MYH10: variants seen among roughly 807,000 people sequenced by gnomAD.
The protein encoded by MYH10 is myosin heavy chain 10, also known as myosin-10.
Under a neutral mutation model 257.8 loss-of-function variants are expected in MYH10, and 55 were observed. The observed-to-expected ratio is 0.21, with a 90% confidence interval of 0.17 to 0.27. The LOEUF (loss-of-function observed/expected upper bound fraction) is 0.27, where lower values mean the gene tolerates loss of function less well. MYH10 is among the 10% of genes least tolerant of loss of function. MYH10 has a pLI of 1.00. For synonymous variants in MYH10, 854 were observed against 921.7 expected, an observed-to-expected ratio of 0.93 and a Z score of 1.33; for missense variants, 1,631 against 2,500.6, an observed-to-expected ratio of 0.65 and a Z score of 7.42.
chr17:8,600,391 C>A (rs965402759), intron 3 of MYH10, among the ~76,000 whole-genome samples: 2 of 152,272 alleles, frequency 1.3e-5, no homozygotes, highest in East Asian at 3.9e-4. Context: ...ATTGGACTCT[C>A]TTCTCCTAAG....
chr17:8,561,049 A>G (rs751954934), intron 7 of MYH10: 10 of 577,286 alleles, frequency 1.7e-5, no homozygotes, highest in Non-Finnish European at 3.1e-5. Flanking sequence ...CTTGCTCACA[A>G]TATCCTGTAA....
intron 2 of MYH10, among the ~76,000 whole-genome samples, chr17:8,621,251 G>A (rs958299370): frequency 3.3e-5 from 5 of 151,992 alleles, no homozygotes; most frequent in Non-Finnish European, 7.4e-5. Flanking sequence ...CTTACATGTC[G>A]ACATTACAAT....
At chr17:8,540,329 T>TGC (rs2082259360) in intron 14 of MYH10, among the ~76,000 whole-genome samples, 4 of 152,156 alleles carry the variant, frequency 2.6e-5, no homozygotes, top group Non-Finnish European at 5.9e-5. Flanking sequence ...GAGTTGGTTA[T>TGC]TAGGGTTGAA....
chr17:8,487,768 T>C (rs1217131654), intron 35 of MYH10, among the ~76,000 whole-genome samples, 174 bp from the exon 36 acceptor site: 1 of 152,152 alleles, frequency 6.6e-6, no homozygotes, highest in Non-Finnish European at 1.5e-5. Flanking sequence ...AGTAGCTGAA[T>C]TTTGTTCAAA....
chr17:8,569,087 TA>T lies in MYH10; in HGVS notation c.756+632del, dbSNP rs2151999635. 6.6e-6 allele frequency among the ~76,000 whole-genome samples: 1 copy of T among 151,578 alleles called. No individual in the cohort carries two copies. The highest frequency in any genetic ancestry group is 2.1e-4 in the South Asian group (1 of 4,800). The stretch of plus-strand genomic sequence containing the variant: ...ACTCTTTTAAATTAGCCTGGTGAAG[TA>T]ACGTGAGCCTGTAGTCCCGGCTCCT... On this transcript the variant is annotated intron_variant, in intron 7 of 42. Transcript: ENST00000360416. The surrounding 1 kb of genome is among the most constrained non-coding windows in gnomAD (Gnocchi z 4.1).
intron 40 of MYH10, among the ~76,000 whole-genome samples, chr17:8,479,100 T>C (rs1392448798): frequency 1.3e-5 from 2 of 152,228 alleles, no homozygotes; most frequent in African/African-American, 4.8e-5. Flanking sequence ...ACATAGACTT[T>C]TGAAGACACC....
In MYH10 at chr17:8,542,314, G is replaced by T. The variant is rs114397921; in HGVS notation, c.1432-34C>A. The T allele has an allele frequency of 1.9e-6, 3 of 1,583,088 alleles. No individual in the cohort carries two copies. The African/African-American group carries it at 4.0e-5, about 21-fold the overall frequency. ...GTCAAAGGGTAATTTTCCAAACATG[G>T]GGAGGTGGAGGGAAAATGGGAATAA... On this transcript the variant is annotated intron_variant, in intron 13 of 42. Transcript: ENST00000360416.
Position 8,550,028 on chromosome 17 carries a change from C to T in MYH10, c.920-1241G>A, listed in dbSNP as rs557343493. On this transcript the variant is annotated intron_variant, in intron 9 of 42. Transcript: ENST00000360416. The stretch of plus-strand genomic sequence containing the variant: ...AGGCTGGAGTGCAGTGGCGTGATCT[C>T]GGCTCGCTACAACCTCCACCTCCCA... Among the ~76,000 whole-genome samples the T allele has an allele frequency of 7.3e-5, 11 of 150,658 alleles. No homozygotes were observed. The South Asian group carries it at 8.7e-4, about 12-fold the overall frequency.
chr17:8,507,749 A>G (rs1357230670), intron 26 of MYH10, among the ~76,000 whole-genome samples: 1 of 152,222 alleles, frequency 6.6e-6, no homozygotes, highest in African/African-American at 2.4e-5. Flanking sequence ...AGGTGGGTGG[A>G]TCACCTAAGG....
rs757904453 is a variant in MYH10 at position 8,512,702 on chromosome 17, G to A, written c.2746-45C>T. On this transcript the variant is annotated intron_variant, in intron 23 of 42. Coordinates refer to ENST00000360416, the MANE Select transcript of MYH10 (RefSeq NM_001256012.3). Reference sequence around the variant, plus strand: ...TCTGTGATTTGCCCCTATTACATACGTACACAGTATATATTCGCCGTGATT... The same window carrying A: ...TCTGTGATTTGCCCCTATTACATACATACACAGTATATATTCGCCGTGATT... 4.7e-6 allele frequency: 7 copies of A among 1,493,154 alleles called. No individual in the cohort carries two copies. The Admixed American group carries it at 5.5e-5, about 12-fold the overall frequency. The allele number at this position is 1,493,154 out of a possible 1,614,324, so 92.5% of individuals were successfully genotyped here.
At chr17:8,510,040 ATTTTTT>A (rs35193113) in intron 24 of MYH10, 91 bp from the exon 25 acceptor site, 26 of 910,910 alleles carry the variant, frequency 2.9e-5, no homozygotes, top group African/African-American at 7.4e-5. Flanking sequence ...TGAGATACTA[ATTTTTT>A]TTTTTTTTTT....
At chr17:8,508,712 A>G (rs1329274569) in intron 25 of MYH10, 35 bp from the exon 26 acceptor site, 1 of 1,611,492 alleles carries the variant, frequency 6.2e-7, no homozygotes, top group Non-Finnish European at 8.5e-7. Context: ...CAGAAAAGCC[A>G]TTCAGAATGA....
chr17:8,557,543 T>C (rs1408815890), intron 7 of MYH10, among the ~76,000 whole-genome samples: 1 of 152,200 alleles, frequency 6.6e-6, no homozygotes, highest in Non-Finnish European at 1.5e-5. Flanking sequence ...TTTCACGTTA[T>C]CTGACAGCAC....
intron 1 of MYH10, among the ~76,000 whole-genome samples, chr17:8,625,279 AT>A (rs1332288118): frequency 6.6e-6 from 1 of 152,146 alleles, no homozygotes; most frequent in Non-Finnish European, 1.5e-5. Context: ...ATTTAAAAAA[AT>A]AATTTACTAG....
At chr17:8,543,189 A>G (rs927535947) in intron 13 of MYH10, among the ~76,000 whole-genome samples, 55 of 152,218 alleles carry the variant, frequency 3.6e-4, no homozygotes, top group African/African-American at 1.3e-3. Context: ...GTGATTTTCA[A>G]TTAAAGAGGA....
rs777805800 is a variant in MYH10, at chr17:8,552,170, A to G, written c.821-26T>C. 2.4e-6 allele frequency: 3 copies of G among 1,240,954 alleles called. No individual in the cohort carries two copies. The South Asian group carries it at 5.5e-5, about 23-fold the overall frequency. 76.9% of individuals were successfully genotyped at this position (1,240,954 alleles called of 1,614,324 possible). A position where few individuals can be genotyped will look rare whatever the true frequency, so the allele number is the denominator to read the frequency against. On this transcript the variant is annotated intron_variant, in intron 8 of 42. Coordinates refer to ENST00000360416, the MANE Select transcript of MYH10 (RefSeq NM_001256012.3). This position sits in a 1 kb window ranked among gnomAD's most constrained non-coding sequence, Gnocchi z 4.8. ...CTGAGCAAAGACAGTTAAGAATTAA[A>G]TTATTTAATATAATTCTTAAATAAA...
chr17:8,605,043 C>A, intron 2 of MYH10, 61 bp from the exon 3 acceptor site: 1 of 874,576 alleles, frequency 1.1e-6, no homozygotes, highest in South Asian at 3.7e-5. Context: ...AATCAGGGTC[C>A]AATCAGGAGA....
At chr17:8,542,844 A>G (rs1249569770) in intron 13 of MYH10, among the ~76,000 whole-genome samples, 4 of 152,184 alleles carry the variant, frequency 2.6e-5, no homozygotes. Context: ...GGCCTGGCAC[A>G]TGGAATGCGC....
rs575519796 is a variant in MYH10 at position 8,477,212 on chromosome 17, C to T, written c.5707-164G>A. ...GGGGGCTGGTCGGAGGCTCTGTAAC[C>T]GGCCTGCCGCTCTCAGCAAAGCTAG... On this transcript the variant is annotated intron_variant, in intron 41 of 42. Transcript: ENST00000360416. The surrounding 1 kb of genome is among the most constrained non-coding windows in gnomAD (Gnocchi z 4.2). 2.0e-3 allele frequency among the ~76,000 whole-genome samples: 303 copies of T among 152,228 alleles called. No homozygotes were observed. The highest frequency in any genetic ancestry group is 7.0e-3 in the African/African-American group (289 of 41,546).
Sources: allele counts gnomAD v4.1 joint callset (sites outside exome capture counted in the v4.1 genomes callset), GRCh38; gene constraint gnomAD v4.1.1; non-coding constraint Gnocchi (gnomAD v3.1); transcripts MANE v1.5; gene names NCBI Gene and HGNC (gene_info 2026-07-23, HGNC 2026-07-21).